SPRED1: variants seen among roughly 807,000 people sequenced by gnomAD.
SPRED1 encodes sprouty-related, EVH1 domain-containing protein 1.
Under a neutral mutation model 52.3 loss-of-function variants are expected in SPRED1, and 18 were observed. The observed-to-expected ratio is 0.34, with a 90% CI of 0.24 to 0.51. SPRED1 has a LOEUF of 0.51. Among genes scored for constraint, SPRED1 ranks in the 20% least tolerant of loss-of-function variants. The pLI, the probability that SPRED1 is intolerant of heterozygous loss-of-function variation, is 0.97. For synonymous variants in SPRED1, 155 were observed against 179.7 expected (o/e 0.86, Z 1.10); for missense variants, 485 against 551.0 (o/e 0.88, Z 1.20).
chr15:38,337,904 G>A (rs1252938708), intron 4 of SPRED1, among the ~76,000 whole-genome samples: 1 of 151,630 alleles, frequency 6.6e-6, no homozygotes, highest in Non-Finnish European at 1.5e-5. Context: ...GATTATTGAG[G>A]CAGATATTCA....
At chr15:38,332,287 T>C (rs377572897) in intron 4 of SPRED1, among the ~76,000 whole-genome samples, 4 of 152,288 alleles carry the variant, frequency 2.6e-5, no homozygotes. Context: ...TTGAAAGATA[T>C]TTTTTGCCAG....
At chr15:38,287,300 C>G (rs150245842) in intron 1 of SPRED1, among the ~76,000 whole-genome samples, 1 of 152,096 alleles carries the variant, frequency 6.6e-6, no homozygotes, top group Non-Finnish European at 1.5e-5. Context: ...TATTTCTCAC[C>G]TGGATTTCTA....
intron 1 of SPRED1, among the ~76,000 whole-genome samples, chr15:38,280,423 C>T (rs967179835): frequency 2.6e-5 from 4 of 152,106 alleles, no homozygotes; most frequent in African/African-American, 9.7e-5. Flanking sequence ...TTTACTCTTA[C>T]ACATTTGAAA....
At chr15:38,257,776 GT>G (rs1157807357) in intron 1 of SPRED1, among the ~76,000 whole-genome samples, 1 of 152,202 alleles carries the variant, frequency 6.6e-6, no homozygotes, top group African/African-American at 2.4e-5. Context: ...AGTGCCAAGG[GT>G]GAGGAACTGA....
chr15:38,331,202 A>G (rs1213369009), intron 4 of SPRED1, among the ~76,000 whole-genome samples: 2 of 152,192 alleles, frequency 1.3e-5, no homozygotes, highest in African/African-American at 2.4e-5. Flanking sequence ...TACTTTGTAG[A>G]CAATACACAT....
At chr15:38,311,182 G>A (rs1186046358) in intron 2 of SPRED1, among the ~76,000 whole-genome samples, 1 of 151,758 alleles carries the variant, frequency 6.6e-6, no homozygotes, top group Non-Finnish European at 1.5e-5. Context: ...AATTTTTTTT[G>A]TGTCAATTGA....
At chr15:38,339,712 A>G in intron 4 of SPRED1, 25 bp from the exon 5 acceptor site, 1 of 1,611,576 alleles carries the variant, frequency 6.2e-7, no homozygotes, top group South Asian at 1.1e-5. Flanking sequence ...CTGGCAACTA[A>G]TGCATTGAGG....
At chr15:38,261,131 G>C (rs892704915) in intron 1 of SPRED1, among the ~76,000 whole-genome samples, 1 of 152,140 alleles carries the variant, frequency 6.6e-6, no homozygotes, top group East Asian at 1.9e-4. Context: ...GAAATGATAC[G>C]ATCTTAATAA....
intron 1 of SPRED1, among the ~76,000 whole-genome samples, chr15:38,278,529 T>G (rs1894609828): frequency 6.6e-6 from 1 of 152,232 alleles, no homozygotes; most frequent in African/African-American, 2.4e-5. Context: ...GTATACTTTT[T>G]GTGTACATTA....
Position 38,351,828 on chromosome 15 carries a change from T to A in SPRED1, c.*164T>A. On this transcript the variant is annotated 3_prime_UTR_variant, in exon 7 of 7. Transcript: ENST00000299084. ...AGTTCTTGGCGTTTCACGCCATGCC[T>A]AACTTTTCCCTTGAGTGCATGGCAT... 2 of 850,486 alleles carry A rather than the reference T, an allele frequency of 2.4e-6. No individual in the cohort carries two copies. Among genetic ancestry groups the A allele is most frequent in the Non-Finnish European group, 3.6e-6 (2 of 550,008 alleles). 52.7% of individuals were successfully genotyped at this position (850,486 alleles called of 1,614,324 possible).
chr15:38,281,727 C>G (rs1220720029), intron 1 of SPRED1, among the ~76,000 whole-genome samples: 8 of 151,966 alleles, frequency 5.3e-5, no homozygotes. Flanking sequence ...ATACACTGCT[C>G]TGTTTCTTAC....
Position 38,254,456 on chromosome 15 carries a change from T to A in SPRED1, c.32+1239T>A, listed in dbSNP as rs569229499. 3.3e-5 allele frequency among the ~76,000 whole-genome samples: 5 copies of A among 152,246 alleles called. No homozygotes were observed. In the South Asian group the frequency reaches 1.0e-3, roughly 32 times the overall value. On this transcript the variant is annotated intron_variant, in intron 1 of 6. Coordinates refer to ENST00000299084, the MANE Select transcript of SPRED1 (RefSeq NM_152594.3). Reference sequence around the variant, plus strand: ...AGTGTAGAAGCAGAAGTGGCAGCCATGTTCTGTCTCTTTTTGTGAATCGCC... The same window carrying A: ...AGTGTAGAAGCAGAAGTGGCAGCCAAGTTCTGTCTCTTTTTGTGAATCGCC...
chr15:38,339,920 G>A (rs1895997184), intron 5 of SPRED1, 25 bp downstream of exon 5: 4 of 1,613,226 alleles, frequency 2.5e-6, no homozygotes, highest in African/African-American at 2.7e-5. Flanking sequence ...TATTTTTTCG[G>A]CGCGTTGTTT....
At position 38,352,535 on chromosome 15, in the gene SPRED1, T is replaced by C. The variant is rs1888513481; in HGVS notation, c.*871T>C. ...AAAAAGAGACTGAGTAAACAAACATTATAGAAAAAAAGTGAAGTTTTTTAG... is the reference window on the plus strand; with the variant it reads ...AAAAAGAGACTGAGTAAACAAACATCATAGAAAAAAAGTGAAGTTTTTTAG... On this transcript the variant is annotated 3_prime_UTR_variant, in exon 7 of 7. Transcript: ENST00000299084. 6.6e-6 allele frequency: 1 copy of C among 152,234 alleles called. No individual in the cohort carries two copies. Among genetic ancestry groups the C allele is most frequent in the African/African-American group, 2.4e-5 (1 of 41,202 alleles). 9.4% of individuals were successfully genotyped at this position (152,234 alleles called of 1,614,324 possible). A position where few individuals can be genotyped will look rare whatever the true frequency, so the allele number is the denominator to read the frequency against.
intron 5 of SPRED1, among the ~76,000 whole-genome samples, chr15:38,345,060 A>G (rs1896103995): frequency 6.6e-6 from 1 of 152,204 alleles, no homozygotes; most frequent in East Asian, 1.9e-4. Context: ...CTGTTAGGAT[A>G]GTGTAGCAGT....
intron 2 of SPRED1, among the ~76,000 whole-genome samples, chr15:38,319,536 C>T (rs192635499): frequency 5.9e-5 from 9 of 152,226 alleles, no homozygotes; most frequent in Admixed American, 4.6e-4. Flanking sequence ...CCCACCACCA[C>T]GCCCGGCTAA....
At chr15:38,310,209 C>T (rs1359251377) in intron 2 of SPRED1, among the ~76,000 whole-genome samples, 1 of 151,100 alleles carries the variant, frequency 6.6e-6, no homozygotes, top group Non-Finnish European at 1.5e-5. Context: ...GGCGCGATCT[C>T]GGCTCATTGC....
intron 2 of SPRED1, among the ~76,000 whole-genome samples, chr15:38,307,015 T>A (rs1428101941): frequency 6.6e-6 from 1 of 152,328 alleles, no homozygotes; most frequent in African/African-American, 2.4e-5. Flanking sequence ...TATTTCGTAA[T>A]TTATTTCACA....
chr15:38,272,435 A>G (rs987185305), intron 1 of SPRED1, among the ~76,000 whole-genome samples: 4 of 151,836 alleles, frequency 2.6e-5, no homozygotes, highest in African/African-American at 9.7e-5. Flanking sequence ...CGCCCAGCTA[A>G]TTTTTGTATT....
Sources: gnomAD v4.1 joint callset for allele counts (sites outside exome capture counted in the v4.1 genomes callset) on GRCh38, gnomAD v4.1.1 for gene constraint, MANE v1.5 for transcripts, NCBI Gene and HGNC (gene_info 2026-07-23, HGNC 2026-07-21) for gene names.